Variants in FBN2 observed in about 807,000 individuals in gnomAD.
FBN2 encodes fibrillin 2.
In FBN2, 105 loss-of-function variants were observed where a neutral mutation model predicts 355.6. The observed-to-expected ratio is 0.30, with a 90% CI of 0.25 to 0.35. The LOEUF (loss-of-function observed/expected upper bound fraction) is 0.35, where lower values mean the gene tolerates loss of function less well. FBN2 is among the 10% of genes least tolerant of loss of function. The probability of loss-of-function intolerance (pLI) is 1.00; values close to 1 mark genes in which losing one functional copy is unlikely to be tolerated. For missense variants in FBN2, 3,280 were observed against 3,758.7 expected, an observed-to-expected ratio of 0.87 and a Z score of 3.33; for synonymous variants, 1,350 against 1,301.2, an observed-to-expected ratio of 1.04 and a Z score of -0.81.
At chr5:128,379,397 C>T (rs913086022) in intron 11 of FBN2, among the ~76,000 whole-genome samples, 2 of 151,824 alleles carry the variant, frequency 1.3e-5, no homozygotes, top group Admixed American at 6.6e-5. Flanking sequence ...TCTATGTATA[C>T]AACTATATAT....
At chr5:128,331,647 T>C (rs1291487331) in intron 32 of FBN2, among the ~76,000 whole-genome samples, 1 of 152,110 alleles carries the variant, frequency 6.6e-6, no homozygotes, top group Non-Finnish European at 1.5e-5. Context: ...CAAGCCAACA[T>C]ACCAGAGGGG....
intron 50 of FBN2, among the ~76,000 whole-genome samples, chr5:128,290,431 A>G (rs1749288960): frequency 6.6e-6 from 1 of 152,172 alleles, no homozygotes. Context: ...CTGGAATATA[A>G]TTTCCATTCC....
chr5:128,401,828 A>G (rs546291305), intron 8 of FBN2, among the ~76,000 whole-genome samples: 1 of 152,284 alleles, frequency 6.6e-6, no homozygotes, highest in African/African-American at 2.4e-5. Flanking sequence ...CAGTTTGGAA[A>G]CCTCTGGTCA....
intron 5 of FBN2, among the ~76,000 whole-genome samples, chr5:128,518,434 C>G (rs899628649): frequency 2.6e-5 from 4 of 152,080 alleles, no homozygotes; most frequent in African/African-American, 9.7e-5. Flanking sequence ...TTTTCTCTTA[C>G]CAAAAGGAAG....
chr5:128,536,335 G>T, intron 2 of FBN2, 67 bp downstream of exon 2: 1 of 1,243,490 alleles, frequency 8.0e-7, no homozygotes, highest in Non-Finnish European at 1.2e-6. Context: ...ATGGCTGAGT[G>T]CAAGAGGTCG....
chr5:128,374,575 GT>G, intron 15 of FBN2, 52 bp downstream of exon 15: 1 of 1,610,454 alleles, frequency 6.2e-7, no homozygotes, highest in Non-Finnish European at 8.5e-7. Context: ...ATCTCTGTCA[GT>G]TTTTCAAAGA....
chr5:128,488,867 A>G (rs1311198113), intron 5 of FBN2, among the ~76,000 whole-genome samples: 2 of 151,906 alleles, frequency 1.3e-5, no homozygotes, highest in Non-Finnish European at 2.9e-5. Flanking sequence ...TCCATGGTGT[A>G]TATGTGCCAC....
At chr5:128,299,079 G>A (rs1749627089) in intron 48 of FBN2, among the ~76,000 whole-genome samples, 1 of 152,106 alleles carries the variant, frequency 6.6e-6, no homozygotes, top group Non-Finnish European at 1.5e-5. Context: ...CAGGTCTGTT[G>A]GAGTACTGGG....
At chr5:128,265,937 GA>G (rs1287208927) in intron 62 of FBN2, among the ~76,000 whole-genome samples, 2 of 152,184 alleles carry the variant, frequency 1.3e-5, no homozygotes, top group Non-Finnish European at 2.9e-5. Context: ...GATTCCGGGG[GA>G]AATCTGTCTG....
In FBN2 at chr5:128,349,405, A is replaced by G. The variant is rs1561783676; in HGVS notation, c.2931T>C (p.Ser977=). The G allele has an allele frequency of 3.1e-6, 5 of 1,614,176 alleles. No homozygotes were observed. Among genetic ancestry groups the G allele is most frequent in the Non-Finnish European group, 3.4e-6 (4 of 1,180,020 alleles). ...GGCCTTCAGGGCACTCGCAATGAAA[A>G]GATCCCTTACTGTTGACACAGCGTC... ...PNGRCVNSKG[S]FHCECPEGLT... Residue 977 remains serine, a synonymous_variant, in exon 23 of 65, where the codon TCT becomes TCC. Transcript: ENST00000262464.
Position 128,286,852 on chromosome 5 carries a change from A to G in FBN2, c.6881-3T>C. 2 of 1,613,912 alleles carry G rather than the reference A, an allele frequency of 1.2e-6. No homozygotes were observed. Among genetic ancestry groups the G allele is most frequent in the Middle Eastern group, 1.7e-4 (1 of 6,060 alleles). The stretch of plus-strand genomic sequence containing the variant: ...CCCTTCAGCACATTCATCCAGATCT[A>G]GAACAAAAAATAAAAATTAAAAATT... On this transcript the variant is annotated splice_polypyrimidine_tract_variant and splice_region_variant and intron_variant, in intron 54 of 64. Coordinates refer to ENST00000262464, the MANE Select transcript of FBN2 (RefSeq NM_001999.4).
chr5:128,504,735 A>G (rs907431208), intron 5 of FBN2, among the ~76,000 whole-genome samples: 1 of 152,166 alleles, frequency 6.6e-6, no homozygotes, highest in Admixed American at 6.5e-5. Flanking sequence ...CTTGTCTCAG[A>G]TTAGACTTTG....
intron 7 of FBN2, among the ~76,000 whole-genome samples, chr5:128,429,820 G>A (rs1313599167): frequency 1.3e-5 from 2 of 152,112 alleles, no homozygotes; most frequent in Non-Finnish European, 2.9e-5. Context: ...AAGATGATAT[G>A]CTACGAGTTT....
intron 7 of FBN2, among the ~76,000 whole-genome samples, chr5:128,425,843 A>G (rs1753469277): frequency 6.6e-6 from 1 of 152,196 alleles, no homozygotes; most frequent in Non-Finnish European, 1.5e-5. Flanking sequence ...GAAGAATGTT[A>G]ATCTTCAAAT....
At position 128,434,246 on chromosome 5, in the gene FBN2, G is replaced by T. The variant is rs186641119; in HGVS notation, c.952+12235C>A. On this transcript the variant is annotated intron_variant, in intron 7 of 64. Transcript: ENST00000262464. ...GGGGATTTAGTCTGGGATTAAGAAAGAAAGACAATTCAAGCATTATCACAG... is the reference window on the plus strand; with the variant it reads ...GGGGATTTAGTCTGGGATTAAGAAATAAAGACAATTCAAGCATTATCACAG... 2.9e-3 allele frequency among the ~76,000 whole-genome samples: 439 copies of T among 151,304 alleles called. 3 individuals carry two copies. The highest frequency in any genetic ancestry group is 0.01 in the African/African-American group (417 of 41,154).
rs149068555 is a variant in FBN2, at chr5:128,500,430, C to CTTTTTTTTTTTT, written c.628+18831_628+18842dup. On this transcript the variant is annotated intron_variant, in intron 5 of 64. Coordinates refer to ENST00000262464, the MANE Select transcript of FBN2 (RefSeq NM_001999.4). Reference sequence around the variant, plus strand: ...TGAAAATGATGAGACTCTGACAATTCTTTTTTTTTTTTTTTTTTTTTTTTT... The same window carrying CTTTTTTTTTTTT: ...TGAAAATGATGAGACTCTGACAATTCTTTTTTTTTTTTTTTTTTTTTTTTTTTTTTTTTTTTT... 2.3e-4 allele frequency among the ~76,000 whole-genome samples: 12 copies of CTTTTTTTTTTTT among 51,180 alleles called. 2 individuals carry two copies. The highest frequency in any genetic ancestry group is 4.2e-4 in the African/African-American group (4 of 9,572). 33.6% of individuals were successfully genotyped at this position (51,180 alleles called of 152,430 possible).
chr5:128,416,255 C>T (rs1207806061), intron 7 of FBN2, among the ~76,000 whole-genome samples: 1 of 152,152 alleles, frequency 6.6e-6, no homozygotes, highest in Non-Finnish European at 1.5e-5. Flanking sequence ...AAACTCCTGA[C>T]CTCAGGTGAT....
chr5:128,531,298 T>C (rs1336429437), intron 2 of FBN2, among the ~76,000 whole-genome samples: 1 of 152,106 alleles, frequency 6.6e-6, no homozygotes, highest in African/African-American at 2.4e-5. Flanking sequence ...TTCTAAGTGA[T>C]GTAATTCAGG....
chr5:128,391,358 T>C (rs931138700), intron 11 of FBN2, among the ~76,000 whole-genome samples: 1 of 152,128 alleles, frequency 6.6e-6, no homozygotes, highest in Non-Finnish European at 1.5e-5. Context: ...CCAGCTGGCT[T>C]CTATTAAGGC....
Sources: allele counts gnomAD v4.1 joint callset (sites outside exome capture counted in the v4.1 genomes callset), GRCh38; gene constraint gnomAD v4.1.1; transcripts MANE v1.5; gene names NCBI Gene and HGNC (gene_info 2026-07-23, HGNC 2026-07-21).